The following KIAA1217 variants were observed in gnomAD, a reference collection of about 807,000 sequenced individuals.
KIAA1217 encodes the protein KIAA1217.
In KIAA1217, 88 loss-of-function variants were observed where a neutral mutation model predicts 163.9. The observed-to-expected ratio is 0.54, with a 90% CI of 0.45 to 0.64. KIAA1217 has a LOEUF of 0.64. KIAA1217 is among the 30% of genes least tolerant of loss of function. KIAA1217 has a pLI of 0.00. For missense variants in KIAA1217, 2,372 were observed against 2,475.0 expected, an observed-to-expected ratio of 0.96 and a Z score of 0.88; for synonymous variants, 903 against 923.1, an observed-to-expected ratio of 0.98 and a Z score of 0.39.
Position 24,547,528 on chromosome 10 carries a change from G to C in KIAA1217, c.*1204G>C, listed in dbSNP as rs1230216346. The C allele has an allele frequency of 6.6e-6, 1 of 152,270 alleles. No homozygotes were observed. The highest frequency in any genetic ancestry group is 1.5e-5 in the Non-Finnish European group (1 of 68,034). 9.4% of individuals were successfully genotyped at this position (152,270 alleles called of 1,614,324 possible). On this transcript the variant is annotated 3_prime_UTR_variant, in exon 21 of 21. Coordinates refer to ENST00000376454, the MANE Select transcript of KIAA1217 (RefSeq NM_019590.5). Reference sequence around the variant, plus strand: ...TCACTATAACTACTTCCTAGTCAAAGAACGAAATGTAACTGTTACCGAGTT... The same window carrying C: ...TCACTATAACTACTTCCTAGTCAAACAACGAAATGTAACTGTTACCGAGTT...
chr10:24,540,124 T>C (rs1409238456), intron 17 of KIAA1217, among the ~76,000 whole-genome samples: 3 of 152,242 alleles, frequency 2.0e-5, no homozygotes, highest in South Asian at 2.1e-4. Flanking sequence ...ATAAAAAGTA[T>C]AGGTCGTGTG....
At chr10:23,803,886 T>G (rs1836605190) in intron 1 of KIAA1217, among the ~76,000 whole-genome samples, 1 of 151,244 alleles carries the variant, frequency 6.6e-6, no homozygotes, top group Non-Finnish European at 1.5e-5. Flanking sequence ...CACACACACA[T>G]ACACACACAC....
At chr10:24,521,640 T>G in intron 11 of KIAA1217, 142 bp from the exon 12 acceptor site, 1 of 968,468 alleles carries the variant, frequency 1.0e-6, no homozygotes, top group South Asian at 1.6e-5. Context: ...CTCTGTGCTC[T>G]TAACCCACTG....
chr10:24,522,290 C>T (rs2071410804), intron 12 of KIAA1217, among the ~76,000 whole-genome samples: 1 of 152,106 alleles, frequency 6.6e-6, no homozygotes, highest in Non-Finnish European at 1.5e-5. Context: ...AGCCACTGCA[C>T]TCCAGCCTGG....
Position 23,718,000 on chromosome 10 carries a change from T to C in KIAA1217, c.-321+22766T>C, listed in dbSNP as rs570434005. Among the ~76,000 whole-genome samples, 4 of 152,342 alleles carry C rather than the reference T, an allele frequency of 2.6e-5. No homozygotes were observed. The East Asian group carries it at 5.8e-4, about 22-fold the overall frequency. The stretch of plus-strand genomic sequence containing the variant: ...TACATAATTTTCTTGAATCATATTT[T>C]AGTGTAAAAATGAGCAGCCTTTTCT... On this transcript the variant is annotated intron_variant, in intron 1 of 18. Transcript: ENST00000376462.
At chr10:24,431,569 G>A (rs903028210) in intron 3 of KIAA1217, among the ~76,000 whole-genome samples, 1 of 152,094 alleles carries the variant, frequency 6.6e-6, no homozygotes, top group Admixed American at 6.6e-5. Context: ...GCTTAGATGG[G>A]GTGGTTCTTC....
chr10:23,700,514 A>T (rs1207486296), intron 1 of KIAA1217, among the ~76,000 whole-genome samples: 1 of 152,064 alleles, frequency 6.6e-6, no homozygotes, highest in Non-Finnish European at 1.5e-5. Context: ...AAAAAAAAAA[A>T]AGCCCTTACA....
intron 10 of KIAA1217, 110 bp downstream of exon 10, chr10:24,513,544 A>T: frequency 2.0e-6 from 2 of 994,666 alleles, no homozygotes; most frequent in Non-Finnish European, 3.0e-6. Flanking sequence ...TTTATTGAGC[A>T]CCTACTGTGT....
intron 1 of KIAA1217, among the ~76,000 whole-genome samples, chr10:23,727,869 C>T (rs551752389): frequency 2.0e-5 from 3 of 152,144 alleles, no homozygotes; most frequent in African/African-American, 7.2e-5. Context: ...CATTGTTGAA[C>T]TCTCACTTAT....
chr10:23,919,436 T>C (rs1589076624), intron 1 of KIAA1217, among the ~76,000 whole-genome samples: 1 of 151,630 alleles, frequency 6.6e-6, no homozygotes, highest in East Asian at 2.0e-4. Flanking sequence ...TGAAACCCCA[T>C]CTCTACTAAA....
chr10:24,543,064 A>G lies in KIAA1217; in HGVS notation c.3794A>G (p.Lys1265Arg), dbSNP rs745406253. ...SRNYSQETVP[K>R]ASFGFSGISP... The stretch of plus-strand genomic sequence containing the variant: ...AACTATTCCCAGGAAACTGTGCCTA[A>G]GGCCAGTTTCGGTTTCTCTGGCATT... The change falls in exon 19 of 21, where the codon AAG becomes AGG. Residue 1265 changes from lysine (K) to arginine (R), a missense_variant. By Grantham distance (26) the Lys-to-Arg change is conservative. Around this residue, in one of 3 missense-constraint regions of KIAA1217, gnomAD observed 251 missense variants for 327.3 expected, o/e 0.77. Transcript: ENST00000376454. The G allele has an allele frequency of 5.6e-6, 9 of 1,613,906 alleles. No homozygotes were observed. The highest frequency in any genetic ancestry group is 7.6e-6 in the Non-Finnish European group (9 of 1,179,868).
At chr10:23,985,890 C>A (rs1033597551) in intron 1 of KIAA1217, among the ~76,000 whole-genome samples, 1 of 152,180 alleles carries the variant, frequency 6.6e-6, no homozygotes, top group Non-Finnish European at 1.5e-5. Context: ...TTGTCCAAAG[C>A]ACATCACATG....
intron 2 of KIAA1217, among the ~76,000 whole-genome samples, chr10:24,135,181 C>T (rs1422622263): frequency 2.6e-5 from 4 of 152,164 alleles, no homozygotes; most frequent in African/African-American, 4.8e-5. Context: ...CCTTCTCTTT[C>T]CTCCAAGAGG....
chr10:23,931,864 T>C (rs1843265409), intron 1 of KIAA1217, among the ~76,000 whole-genome samples: 1 of 152,182 alleles, frequency 6.6e-6, no homozygotes, highest in Admixed American at 6.5e-5. Flanking sequence ...TTGCAAAGGC[T>C]TGGACAGTAA....
chr10:24,030,939 A>G (rs1230556698), intron 2 of KIAA1217, among the ~76,000 whole-genome samples: 4 of 152,188 alleles, frequency 2.6e-5, no homozygotes, highest in Admixed American at 6.5e-5. Flanking sequence ...CATAGACATT[A>G]AGGTTGTTTC....
At chr10:23,887,608 C>A (rs1450504763) in intron 1 of KIAA1217, among the ~76,000 whole-genome samples, 1 of 151,700 alleles carries the variant, frequency 6.6e-6, no homozygotes, top group Non-Finnish European at 1.5e-5. Flanking sequence ...TCATTTTATA[C>A]CATACATTCT....
At chr10:24,303,096 C>T (rs1323966787) in intron 2 of KIAA1217, among the ~76,000 whole-genome samples, 2 of 152,150 alleles carry the variant, frequency 1.3e-5, no homozygotes, top group South Asian at 2.1e-4. Context: ...TCACTGCAGC[C>T]GCAAACTCCT....
At position 24,265,982 on chromosome 10, in the gene KIAA1217, T is replaced by C. The variant is rs557264118; in HGVS notation, c.354+46073T>C. On this transcript the variant is annotated intron_variant, in intron 2 of 20. Transcript: ENST00000376454. ...GGAAAGGAAGGGGAAAGAAATAAAA[T>C]TCCAAAGAGAAAAGGGCAGAAAGAT... Among the ~76,000 whole-genome samples the C allele has an allele frequency of 8.7e-4, 133 of 152,052 alleles. 1 individual carries two copies. Among genetic ancestry groups the C allele is most frequent in the South Asian group, 7.2e-3 (35 of 4,828 alleles).
rs2042409641 is a variant in KIAA1217 at position 24,309,354 on chromosome 10, A to ATG, written c.355-71515_355-71514insTG. ...TAGGCGCGCGCACGCGCGCGCGCACACACACACACACACACACACACACAC... is the reference window on the plus strand; with the variant it reads ...TAGGCGCGCGCACGCGCGCGCGCACATGCACACACACACACACACACACACAC... On this transcript the variant is annotated intron_variant, in intron 2 of 20. Coordinates refer to ENST00000376454, the MANE Select transcript of KIAA1217 (RefSeq NM_019590.5). Among the ~76,000 whole-genome samples the ATG allele has an allele frequency of 2.1e-5, 3 of 142,000 alleles. No individual in the cohort carries two copies. The South Asian group carries it at 7.0e-4, about 33-fold the overall frequency. 93.2% of individuals were successfully genotyped at this position (142,000 alleles called of 152,430 possible).
Sources: allele counts gnomAD v4.1 joint callset (sites outside exome capture counted in the v4.1 genomes callset), GRCh38; gene constraint gnomAD v4.1.1; regional missense constraint gnomAD v4.1.1; transcripts MANE v1.5; gene names NCBI Gene and HGNC (gene_info 2026-07-23, HGNC 2026-07-21).